H2BC14: variants seen among roughly 807,000 people sequenced by gnomAD.
H2BC14 encodes the protein histone H2B type 1-M.
In H2BC14, 17 loss-of-function variants were observed where a neutral mutation model predicts 6.3. The observed-to-expected ratio is 2.70, with a 90% confidence interval of 1.84 to 4.04. The LOEUF (loss-of-function observed/expected upper bound fraction) is 4.04. Among genes scored for constraint, H2BC14 ranks in the 30% most tolerant of loss-of-function variants. The probability of loss-of-function intolerance (pLI) is 0.00; values close to 1 mark genes in which losing one functional copy is unlikely to be tolerated. For missense variants in H2BC14, 235 were observed against 165.1 expected (o/e 1.42, Z -2.32); for synonymous variants, 131 against 69.0 (o/e 1.90, Z -4.45).
At position 27,815,479 on chromosome 6, in the gene H2BC14, A is replaced by C. The variant is rs931924736; in HGVS notation, c.*55A>C. ...GACCCACACCCCAAAGGCTCTTTTC[A>C]GAGCCGTCCACGTTTCTCAAGAAAG... On this transcript the variant is annotated 3_prime_UTR_variant, in exon 1 of 1. Transcript: ENST00000621112. 36 of 1,584,930 alleles carry C rather than the reference A, an allele frequency of 2.3e-5. No individual in the cohort carries two copies. Among genetic ancestry groups the C allele is most frequent in the Admixed American group, 1.1e-4 (6 of 53,494 alleles).
rs764383229 is a variant in H2BC14, at chr6:27,815,089, A to T, written c.46A>T (p.Lys16Ter). Residue 16 changes from lysine to a stop codon, truncating the protein, a stop_gained, in exon 1 of 1, where the codon AAG becomes TAG. Transcript: ENST00000621112. LOFTEE classifies it high-confidence loss of function. ...KSAPVPKKGS[K>*]KAINKAQKKD... ...TGCTCCAGTCCCTAAAAAAGGCTCCAAGAAGGCCATTAACAAGGCTCAGAA... is the reference window on the plus strand; with the variant it reads ...TGCTCCAGTCCCTAAAAAAGGCTCCTAGAAGGCCATTAACAAGGCTCAGAA... 3 of 1,613,888 alleles carry T rather than the reference A, an allele frequency of 1.9e-6. No homozygotes were observed. The East Asian group carries it at 6.7e-5, about 36-fold the overall frequency.
In H2BC14 at chr6:27,815,229, C is replaced by T. The variant is rs1384616259; in HGVS notation, c.186C>T (p.Ile62=). The T allele has an allele frequency of 2.5e-6, 4 of 1,614,242 alleles. No homozygotes were observed. Among genetic ancestry groups the T allele is most frequent in the East Asian group, 2.2e-5 (1 of 44,890 alleles). Residue 62 remains isoleucine, a synonymous_variant, in exon 1 of 1, where the codon ATC becomes ATT. Transcript: ENST00000621112. ...GCATCTCTTCCAAGGCTATGGGAATCATGAACTCCTTCGTCAACGACATCT... is the reference window on the plus strand; with the variant it reads ...GCATCTCTTCCAAGGCTATGGGAATTATGAACTCCTTCGTCAACGACATCT... ...DTGISSKAMG[I]MNSFVNDIFE...
chr6:27,815,078 A>T lies in H2BC14; in HGVS notation c.35A>T (p.Lys12Ile), dbSNP rs369252896. The change falls in exon 1 of 1, where the codon AAA becomes ATA. Residue 12 changes from lysine (K) to isoleucine (I), a missense_variant. Coordinates refer to ENST00000621112, the MANE Select transcript of H2BC14 (RefSeq NM_003521.3). The part of the protein sequence containing the change: ...PEPVKSAPVP[K>I]KGSKKAINKA... ...CCAGTCAAATCTGCTCCAGTCCCTA[A>T]AAAAGGCTCCAAGAAGGCCATTAAC... is the stretch of plus-strand genomic sequence containing the variant. The T allele has an allele frequency of 6.2e-7, 1 of 1,613,500 alleles. No homozygotes were observed. Among genetic ancestry groups the T allele is most frequent in the South Asian group, 1.1e-5 (1 of 91,056 alleles).
rs762247752 is a variant in H2BC14 at position 27,815,363 on chromosome 6, T to G, written c.320T>G (p.Leu107Trp). Residue 107 changes from leucine (L) to tryptophan (W), a missense_variant, in exon 1 of 1, where the codon TTG (leucine) becomes TGG (tryptophan). Physicochemically the swap from Leu to Trp is moderately conservative, Grantham distance 61 (BLOSUM62 -2). Coordinates refer to ENST00000621112, the MANE Select transcript of H2BC14 (RefSeq NM_003521.3). ...TAVRLLLPGE[L>W]AKHAVSEGTK... Reference sequence around the variant, plus strand: ...GTGCGCCTACTGCTACCCGGGGAATTGGCCAAGCACGCCGTGTCCGAGGGC... The same window carrying G: ...GTGCGCCTACTGCTACCCGGGGAATGGGCCAAGCACGCCGTGTCCGAGGGC... The G allele has an allele frequency of 6.2e-7, 1 of 1,614,154 alleles. No individual in the cohort carries two copies. The highest frequency in any genetic ancestry group is 1.1e-5 in the South Asian group (1 of 91,086).
rs1240108731 is a variant in H2BC14, at chr6:27,815,370, G to A, written c.327G>A (p.Lys109=). The stretch of plus-strand genomic sequence containing the variant: ...TACTGCTACCCGGGGAATTGGCCAA[G>A]CACGCCGTGTCCGAGGGCACCAAGG... ...VRLLLPGELA[K]HAVSEGTKAV... is the part of the protein sequence containing the mutation. The change falls in exon 1 of 1, where the codon AAG becomes AAA. Residue 109 remains lysine, a synonymous_variant. Coordinates refer to ENST00000621112, the MANE Select transcript of H2BC14 (RefSeq NM_003521.3). 6.2e-7 allele frequency: 1 copy of A among 1,614,084 alleles called. No individual in the cohort carries two copies. The highest frequency in any genetic ancestry group is 8.5e-7 in the Non-Finnish European group (1 of 1,180,048).
In H2BC14 at chr6:27,815,137, C is replaced by A. The variant is rs756713179; in HGVS notation, c.94C>A (p.Arg32Ser). ...GAAGAAGGATGGAAAGAAGCGCAAA[C>A]GCAGCCGCAAGGAGAGCTACTCTGT... is the stretch of plus-strand genomic sequence containing the variant. The part of the protein sequence containing the change: ...AQKKDGKKRK[R>S]SRKESYSVYV... The change falls in exon 1 of 1, where the codon CGC becomes AGC. Residue 32 changes from arginine to serine, a missense_variant. By Grantham distance (110) the Arg-to-Ser change is moderately radical. Transcript: ENST00000621112. 45 of 1,614,104 alleles carry A rather than the reference C, an allele frequency of 2.8e-5. 1 individual carries two copies. In the South Asian group the frequency reaches 4.8e-4, roughly 17 times the overall value.
rs189346398 is a variant in H2BC14, at chr6:27,815,488, C to T, written c.*64C>T. 3 of 1,568,090 alleles carry T rather than the reference C, an allele frequency of 1.9e-6. No individual in the cohort carries two copies. Among genetic ancestry groups the T allele is most frequent in the East Asian group, 2.2e-5 (1 of 44,612 alleles). On this transcript the variant is annotated 3_prime_UTR_variant, in exon 1 of 1. Transcript: ENST00000621112. Reference sequence around the variant, plus strand: ...CCCAAAGGCTCTTTTCAGAGCCGTCCACGTTTCTCAAGAAAGAGCCAGTTC... The same window carrying T: ...CCCAAAGGCTCTTTTCAGAGCCGTCTACGTTTCTCAAGAAAGAGCCAGTTC...
Position 27,815,205 on chromosome 6 carries a change from C to T in H2BC14, c.162C>T (p.Gly54=). 6.2e-7 allele frequency: 1 copy of T among 1,614,240 alleles called. No individual in the cohort carries two copies. Among genetic ancestry groups the T allele is most frequent in the Non-Finnish European group, 8.5e-7 (1 of 1,180,036 alleles). The change falls in exon 1 of 1, where the codon GGC becomes GGT. Residue 54 remains glycine, a synonymous_variant. Coordinates refer to ENST00000621112, the MANE Select transcript of H2BC14 (RefSeq NM_003521.3). ...TGAAGCAGGTCCACCCCGACACCGG[C>T]ATCTCTTCCAAGGCTATGGGAATCA... ...KVLKQVHPDT[G]ISSKAMGIMN...
In H2BC14 at chr6:27,815,277, G is replaced by C. The variant is rs1224728434; in HGVS notation, c.234G>C (p.Ala78=). 6.2e-7 allele frequency: 1 copy of C among 1,614,016 alleles called. No homozygotes were observed. The highest frequency in any genetic ancestry group is 8.5e-7 in the Non-Finnish European group (1 of 1,179,978). ...TCTTTGAGCGTATCGCCGGAGAAGC[G>C]TCACGCCTGGCGCATTACAACAAGC... ...NDIFERIAGE[A]SRLAHYNKRS... Residue 78 remains alanine, a synonymous_variant, in exon 1 of 1, where the codon GCG becomes GCC. Coordinates refer to ENST00000621112, the MANE Select transcript of H2BC14 (RefSeq NM_003521.3).
Position 27,815,352 on chromosome 6 carries a change from A to T in H2BC14, c.309A>T (p.Leu103=). 6.2e-7 allele frequency: 1 copy of T among 1,612,768 alleles called. No individual in the cohort carries two copies. Among genetic ancestry groups the T allele is most frequent in the Non-Finnish European group, 8.5e-7 (1 of 1,179,074 alleles). ...REIQTAVRLL[L]PGELAKHAVS... ...TCCAGACGGCCGTGCGCCTACTGCTACCCGGGGAATTGGCCAAGCACGCCG... is the reference window on the plus strand; with the variant it reads ...TCCAGACGGCCGTGCGCCTACTGCTTCCCGGGGAATTGGCCAAGCACGCCG... Residue 103 remains leucine (L), a synonymous_variant, in exon 1 of 1, where the codon CTA becomes CTT. Transcript: ENST00000621112.
At position 27,815,417 on chromosome 6, in the gene H2BC14, C is replaced by A. The variant is rs1308035701; in HGVS notation, c.374C>A (p.Ser125Tyr). Residue 125 changes from serine (S) to tyrosine (Y), a missense_variant, in exon 1 of 1, where the codon TCC (serine) becomes TAC (tyrosine). Physicochemically the swap from Ser to Tyr is moderately radical, Grantham distance 144. Coordinates refer to ENST00000621112, the MANE Select transcript of H2BC14 (RefSeq NM_003521.3). Reference protein sequence around the residue: ...GTKAVTKYTSSK With the variant: ...GTKAVTKYTSYK The stretch of plus-strand genomic sequence containing the variant: ...AAGGCCGTCACCAAGTATACCAGCT[C>A]CAAGTGAGCCTCTCGCTGCAGTAAC... 6.2e-7 allele frequency: 1 copy of A among 1,614,098 alleles called. No homozygotes were observed. The highest frequency in any genetic ancestry group is 8.5e-7 in the Non-Finnish European group (1 of 1,180,020).
chr6:27,815,222 TG>T lies in H2BC14; in HGVS notation c.182del (p.Gly61GlufsTer3), dbSNP rs1760644318. The part of the protein sequence containing the change: ...HPDTGISSKA[M>X]GIMNSFVNDI... ...GACACCGGCATCTCTTCCAAGGCTA[TG>T]GGAATCATGAACTCCTTCGTCAACG... On this transcript the variant is annotated frameshift_variant, in exon 1 of 1. Transcript: ENST00000621112. LOFTEE classifies it high-confidence loss of function. The T allele has an allele frequency of 1.2e-6, 2 of 1,614,226 alleles. No homozygotes were observed. Among genetic ancestry groups the T allele is most frequent in the Admixed American group, 1.7e-5 (1 of 60,028 alleles).
In H2BC14 at chr6:27,815,068, C is replaced by T. The variant is rs141452609; in HGVS notation, c.25C>T (p.Pro9Ser). The T allele has an allele frequency of 2.4e-5, 38 of 1,612,802 alleles. No homozygotes were observed. In the African/African-American group the frequency reaches 4.7e-4, roughly 20 times the overall value. Residue 9 changes from proline (P) to serine (S), a missense_variant, in exon 1 of 1, where the codon CCA becomes TCA. By Grantham distance (74) the Pro-to-Ser change is moderately conservative. Transcript: ENST00000621112. Reference sequence around the variant, plus strand: ...CATGCCTGAACCAGTCAAATCTGCTCCAGTCCCTAAAAAAGGCTCCAAGAA... The same window carrying T: ...CATGCCTGAACCAGTCAAATCTGCTTCAGTCCCTAAAAAAGGCTCCAAGAA... MPEPVKSA[P>S]VPKKGSKKAI...
chr6:27,815,221 A>C lies in H2BC14; in HGVS notation c.178A>C (p.Met60Leu), dbSNP rs768704818. Residue 60 changes from methionine (M) to leucine (L), a missense_variant, in exon 1 of 1, where the codon ATG becomes CTG. Transcript: ENST00000621112. ...HPDTGISSKA[M>L]GIMNSFVNDI... ...CGACACCGGCATCTCTTCCAAGGCT[A>C]TGGGAATCATGAACTCCTTCGTCAA... 1.2e-6 allele frequency: 2 copies of C among 1,614,242 alleles called. No homozygotes were observed. Among genetic ancestry groups the C allele is most frequent in the Non-Finnish European group, 8.5e-7 (1 of 1,180,044 alleles).
chr6:27,815,030 T>C lies in H2BC14; in HGVS notation c.-14T>C. 6.4e-7 allele frequency: 1 copy of C among 1,574,500 alleles called. No individual in the cohort carries two copies. ...GAAACAGCCCTAAGGTTGTCTTTTA[T>C]TTTGTTTTCCACCATGCCTGAACCA... On this transcript the variant is annotated 5_prime_UTR_variant, in exon 1 of 1. Coordinates refer to ENST00000621112, the MANE Select transcript of H2BC14 (RefSeq NM_003521.3).
Position 27,815,359 on chromosome 6 carries a change from G to A in H2BC14, c.316G>A (p.Glu106Lys). 6.2e-7 allele frequency: 1 copy of A among 1,614,202 alleles called. No individual in the cohort carries two copies. Among genetic ancestry groups the A allele is most frequent in the Non-Finnish European group, 8.5e-7 (1 of 1,180,046 alleles). The change falls in exon 1 of 1, where the codon GAA becomes AAA. Residue 106 changes from glutamate to lysine, a missense_variant. Coordinates refer to ENST00000621112, the MANE Select transcript of H2BC14 (RefSeq NM_003521.3). ...QTAVRLLLPGELAKHAVSEGT... is the reference protein window; with the variant it reads ...QTAVRLLLPGKLAKHAVSEGT... ...GGCCGTGCGCCTACTGCTACCCGGG[G>A]AATTGGCCAAGCACGCCGTGTCCGA...
At position 27,815,156 on chromosome 6, in the gene H2BC14, A is replaced by G. The variant is rs746686090; in HGVS notation, c.113A>G (p.Tyr38Cys). Residue 38 changes from tyrosine (Y) to cysteine (C), a missense_variant, in exon 1 of 1, where the codon TAC becomes TGC. Tyr to Cys is a radical substitution (Grantham distance 194). Transcript: ENST00000621112. ...KKRKRSRKES[Y>C]SVYVYKVLKQ... ...CGCAAACGCAGCCGCAAGGAGAGCT[A>G]CTCTGTGTATGTGTACAAGGTGCTG... 3 of 1,614,150 alleles carry G rather than the reference A, an allele frequency of 1.9e-6. No homozygotes were observed. Among genetic ancestry groups the G allele is most frequent in the Middle Eastern group, 1.6e-4 (1 of 6,062 alleles).
chr6:27,815,417 C>G lies in H2BC14; in HGVS notation c.374C>G (p.Ser125Cys). The change falls in exon 1 of 1, where the codon TCC (serine) becomes TGC (cysteine). Residue 125 changes from serine (S) to cysteine (C), a missense_variant. By Grantham distance (112) the Ser-to-Cys change is moderately radical. Transcript: ENST00000621112. The stretch of plus-strand genomic sequence containing the variant: ...AAGGCCGTCACCAAGTATACCAGCT[C>G]CAAGTGAGCCTCTCGCTGCAGTAAC... ...GTKAVTKYTS[S>C]K 1.2e-6 allele frequency: 2 copies of G among 1,614,098 alleles called. No individual in the cohort carries two copies. The highest frequency in any genetic ancestry group is 1.1e-5 in the South Asian group (1 of 91,082).
chr6:27,815,186 A>G lies in H2BC14; in HGVS notation c.143A>G (p.Gln48Arg). 1 of 1,614,272 alleles carries G rather than the reference A, an allele frequency of 6.2e-7. No individual in the cohort carries two copies. Among genetic ancestry groups the G allele is most frequent in the Non-Finnish European group, 8.5e-7 (1 of 1,180,050 alleles). The stretch of plus-strand genomic sequence containing the variant: ...GTGTATGTGTACAAGGTGCTGAAGC[A>G]GGTCCACCCCGACACCGGCATCTCT... ...YSVYVYKVLKQVHPDTGISSK... is the reference protein window; with the variant it reads ...YSVYVYKVLKRVHPDTGISSK... Residue 48 changes from glutamine to arginine, a missense_variant, in exon 1 of 1, where the codon CAG (glutamine) becomes CGG (arginine). Gln to Arg is a conservative substitution (Grantham distance 43). Coordinates refer to ENST00000621112, the MANE Select transcript of H2BC14 (RefSeq NM_003521.3).
Sources: allele counts gnomAD v4.1 joint callset, GRCh38; gene constraint gnomAD v4.1.1; transcripts MANE v1.5; gene names NCBI Gene and HGNC (gene_info 2026-07-23, HGNC 2026-07-21).